COA8: variants seen among roughly 807,000 people sequenced by gnomAD.
COA8 encodes the protein UPF0671 protein C14orf153.
Under a neutral mutation model 22.0 loss-of-function variants are expected in COA8, and 20 were observed. The observed-to-expected ratio is 0.91, with a 90% CI of 0.64 to 1.32. COA8 has a LOEUF of 1.32. Ranked by LOEUF, COA8 falls within the 40% of genes most tolerant of loss-of-function variation. The pLI, the probability that COA8 is intolerant of heterozygous loss-of-function variation, is 0.00. For synonymous variants in COA8, 105 were observed against 79.9 expected, an observed-to-expected ratio of 1.31 and a Z score of -1.68; for missense variants, 266 against 230.0, an observed-to-expected ratio of 1.16 and a Z score of -1.01.
intron 2 of COA8, among the ~76,000 whole-genome samples, chr14:103,573,215 G>T (rs2076202175): frequency 6.6e-6 from 1 of 151,698 alleles, no homozygotes; most frequent in Non-Finnish European, 1.5e-5. Context: ...TGTTGCCCAG[G>T]CTGGAGTGCA....
rs565240690 is a variant in COA8 at position 103,566,318 on chromosome 14, G to T, written c.123+3194G>T. Among the ~76,000 whole-genome samples the T allele has an allele frequency of 5.3e-5, 8 of 152,282 alleles. No individual in the cohort carries two copies. In the East Asian group the frequency reaches 9.7e-4, roughly 18 times the overall value. ...ACCTGTAATCCCAGCTAGTTGGGAG[G>T]CTGAGGCGGGAGAATCGCTTGAACC... On this transcript the variant is annotated intron_variant, in intron 1 of 4. Transcript: ENST00000409074.
intron 1 of COA8, 84 bp from the exon 2 acceptor site, chr14:103,571,539 A>C: frequency 1.5e-6 from 2 of 1,362,926 alleles, no homozygotes; most frequent in Non-Finnish European, 2.0e-6. Flanking sequence ...TCCGTCTCTA[A>C]GTAAATAAAT....
At chr14:103,585,560 T>A (rs748395778) in intron 3 of COA8, among the ~76,000 whole-genome samples, 2 of 150,934 alleles carry the variant, frequency 1.3e-5, no homozygotes, top group Non-Finnish European at 2.9e-5. Context: ...TTTTCTCCCG[T>A]TCTATAGGTT....
At chr14:103,575,070 C>T (rs1422351894) in intron 3 of COA8, among the ~76,000 whole-genome samples, 5 of 152,262 alleles carry the variant, frequency 3.3e-5, no homozygotes, top group African/African-American at 1.2e-4. Context: ...CTTACTGGGC[C>T]TCGCCGCGCC....
At chr14:103,573,587 C>G (rs540863639) in intron 2 of COA8, among the ~76,000 whole-genome samples, 1 of 152,052 alleles carries the variant, frequency 6.6e-6, no homozygotes, top group South Asian at 2.1e-4. Context: ...GAGTCTCACT[C>G]TGTTGTCCAG....
At position 103,582,566 on chromosome 14, in the gene COA8, G is replaced by T. The variant is rs181081678; in HGVS notation, c.386-4708G>T. Reference sequence around the variant, plus strand: ...TCAAGTTAGGACACATTTCATTCCCGTGTAGCGGTGGCTCCCAGTTCCTCC... The same window carrying T: ...TCAAGTTAGGACACATTTCATTCCCTTGTAGCGGTGGCTCCCAGTTCCTCC... On this transcript the variant is annotated intron_variant, in intron 3 of 4. Coordinates refer to ENST00000409074, the MANE Select transcript of COA8 (RefSeq NM_001370595.2). 9.7e-4 allele frequency among the ~76,000 whole-genome samples: 147 copies of T among 152,274 alleles called. 1 individual carries two copies. Among genetic ancestry groups the T allele is most frequent in the African/African-American group, 3.4e-3 (142 of 41,552 alleles).
chr14:103,574,763 GCTGGAGAGGTGGGGTCTTGCGGGCC>G (rs575625397), intron 3 of COA8: 293 of 289,988 alleles, frequency 1.0e-3, no homozygotes, highest in Middle Eastern at 6.3e-3. Context: ...TTTGCTGGCT[GCTGGAGAGGTGGGGTCTTGCGGGCC>G]CTGGAGAGGT....
chr14:103,579,331 TA>T, intron 3 of COA8: 1 of 209,322 alleles, frequency 4.8e-6, no homozygotes, highest in Non-Finnish European at 9.9e-6. Flanking sequence ...ATATAAACAA[TA>T]AAATATTGAA....
At chr14:103,563,431 T>C in intron 1 of COA8, 1 of 510,322 alleles carries the variant, frequency 2.0e-6, no homozygotes, top group Non-Finnish European at 3.6e-6. Context: ...TTTTTATTTT[T>C]AAAGAGCTCT....
chr14:103,587,574 C>A (rs1485504746), intron 4 of COA8, among the ~76,000 whole-genome samples: 2 of 144,890 alleles, frequency 1.4e-5, no homozygotes, highest in Non-Finnish European at 3.0e-5. Context: ...GTGGCGCCAT[C>A]TTGGCTCACT....
At chr14:103,579,028 A>G (rs2076248520) in intron 3 of COA8, among the ~76,000 whole-genome samples, 1 of 152,190 alleles carries the variant, frequency 6.6e-6, no homozygotes, top group Admixed American at 6.5e-5. Flanking sequence ...GCCTCTGTCC[A>G]TCCCAGATGA....
At position 103,587,312 on chromosome 14, in the gene COA8, T is replaced by G. The variant is rs942223588; in HGVS notation, c.424T>G (p.Phe142Val). The change falls in exon 4 of 5, where the codon TTC becomes GTC. Residue 142 changes from phenylalanine to valine, a missense_variant. By Grantham distance (50) the Phe-to-Val change is conservative (BLOSUM62 -1). Transcript: ENST00000409074. ...ATTGAATGCAGAAGAAATGGCGGAC[T>G]TCTACAAGGAATTTTTAAGTAAAAA... is the stretch of plus-strand genomic sequence containing the variant. ...ATLNAEEMAD[F>V]YKEFLSKNFQ... 2 of 1,613,440 alleles carry G rather than the reference T, an allele frequency of 1.2e-6. No individual in the cohort carries two copies. The highest frequency in any genetic ancestry group is 2.7e-5 in the African/African-American group (2 of 74,912).
At chr14:103,568,579 GTATATA>G (rs35129882) in intron 1 of COA8, among the ~76,000 whole-genome samples, 8 of 146,226 alleles carry the variant, frequency 5.5e-5, no homozygotes, top group African/African-American at 1.3e-4. Context: ...ACGTGTGTGT[GTATATA>G]TATATATATG....
chr14:103,588,356 A>G, intron 4 of COA8: 1 of 393,892 alleles, frequency 2.5e-6, no homozygotes, highest in Non-Finnish European at 4.5e-6. Context: ...AGCTAGGAGG[A>G]CCACTTGAGC....
At chr14:103,586,200 CTTTTTT>C (rs71126040) in intron 3 of COA8, among the ~76,000 whole-genome samples, 8 of 92,696 alleles carry the variant, frequency 8.6e-5, no homozygotes, top group African/African-American at 2.0e-4. Flanking sequence ...TGCACCTGGC[CTTTTTT>C]TTTTTTTTTT....
At chr14:103,563,495 C>A (rs73361328) in intron 1 of COA8, 4,601 of 384,564 alleles carry the variant, frequency 0.012, 192 homozygotes, top group African/African-American at 0.088. Context: ...GGCTTTGTTA[C>A]AATTATTAGT....
At chr14:103,588,399 C>G (rs996552049) in intron 4 of COA8, 2 of 375,584 alleles carry the variant, frequency 5.3e-6, no homozygotes, top group Non-Finnish European at 9.4e-6. Context: ...AGCCGAGATC[C>G]GGCCACTGCA....
In COA8 at chr14:103,586,272, A is replaced by G. The variant is rs367809775; in HGVS notation, c.386-1002A>G. Among the ~76,000 whole-genome samples, 5 of 139,262 alleles carry G rather than the reference A, an allele frequency of 3.6e-5. No homozygotes were observed. The East Asian group carries it at 1.1e-3, about 31-fold the overall frequency. The allele number at this position is 139,262 out of a possible 152,430, so 91.4% of individuals were successfully genotyped here. A position where few individuals can be genotyped will look rare whatever the true frequency, so the allele number is the denominator to read the frequency against. ...GCCCAGGCTGGAGTGCAGTGGTATG[A>G]TCATGGCTCACTGCAACCTTGAACT... On this transcript the variant is annotated intron_variant, in intron 3 of 4. Transcript: ENST00000409074.
intron 3 of COA8, among the ~76,000 whole-genome samples, chr14:103,578,635 C>T (rs1224986779): frequency 1.3e-5 from 2 of 152,064 alleles, no homozygotes; most frequent in South Asian, 2.1e-4. Flanking sequence ...TTTCCCTGAA[C>T]TTAGCGGTAG....
Sources: gnomAD v4.1 joint callset for allele counts (sites outside exome capture counted in the v4.1 genomes callset) on GRCh38, gnomAD v4.1.1 for gene constraint, MANE v1.5 for transcripts, NCBI Gene and HGNC (gene_info 2026-07-23, HGNC 2026-07-21) for gene names.